The following TMTC2 variants were observed in gnomAD, a reference collection of about 807,000 sequenced individuals.
TMTC2 encodes the protein transmembrane O-mannosyltransferase targeting cadherins 2.
In TMTC2, 43 loss-of-function variants were observed where a neutral mutation model predicts 82.4. That is an observed-to-expected ratio of 0.52 (90% confidence interval 0.41 to 0.67). The LOEUF (loss-of-function observed/expected upper bound fraction) is 0.67, where lower values mean the gene tolerates loss of function less well. Among genes scored for constraint, TMTC2 ranks in the 30% least tolerant of loss-of-function variants. The pLI is 0.00. For missense variants in TMTC2, 919 were observed against 1,012.4 expected (o/e 0.91, Z 1.25); for synonymous variants, 408 against 381.9 (o/e 1.07, Z -0.80).
At chr12:82,868,322 C>A (rs1409873690) in intron 2 of TMTC2, among the ~76,000 whole-genome samples, 1 of 152,158 alleles carries the variant, frequency 6.6e-6, no homozygotes, top group African/African-American at 2.4e-5. Context: ...GAATGGAATG[C>A]TTGCTATCCT....
chr12:83,099,385 C>T (rs1884138266), intron 11 of TMTC2, among the ~76,000 whole-genome samples: 1 of 152,090 alleles, frequency 6.6e-6, no homozygotes, highest in African/African-American at 2.4e-5. Context: ...TTACTGCGCA[C>T]AACATCTTCT....
intron 4 of TMTC2, among the ~76,000 whole-genome samples, chr12:82,951,774 C>G (rs1038129348): frequency 1.3e-5 from 2 of 152,066 alleles, no homozygotes; most frequent in African/African-American, 4.8e-5. Context: ...TCTAATAACT[C>G]GAAAGTACGT....
chr12:83,104,047 G>T (rs958900026), intron 11 of TMTC2, among the ~76,000 whole-genome samples: 6 of 152,232 alleles, frequency 3.9e-5, no homozygotes, highest in African/African-American at 1.4e-4. Flanking sequence ...AAATCTTAAT[G>T]CTCCAAAATA....
rs568120805 is a variant in TMTC2 at position 83,109,960 on chromosome 12, A to C, written c.2332-22250A>C. 4.6e-5 allele frequency among the ~76,000 whole-genome samples: 7 copies of C among 152,310 alleles called. No individual in the cohort carries two copies. The South Asian group carries it at 1.5e-3, about 32-fold the overall frequency. ...CAAAGATGGGTGACAATTGTACTGT[A>C]GTTTTCTAAACCATTGTACCTCAAC... is the stretch of plus-strand genomic sequence containing the variant. On this transcript the variant is annotated intron_variant, in intron 11 of 11. Transcript: ENST00000321196.
At chr12:83,026,696 G>A (rs867294458) in intron 8 of TMTC2, among the ~76,000 whole-genome samples, 2 of 142,472 alleles carry the variant, frequency 1.4e-5, no homozygotes, top group African/African-American at 5.3e-5. Flanking sequence ...TTTTAGAAAT[G>A]ATTGAAGGAG....
intron 11 of TMTC2, among the ~76,000 whole-genome samples, chr12:83,063,800 A>G (rs1882823729): frequency 6.6e-6 from 1 of 151,932 alleles, no homozygotes; most frequent in Non-Finnish European, 1.5e-5. Context: ...AGGAGCTACA[A>G]TCTAGTCTGA....
intron 11 of TMTC2, among the ~76,000 whole-genome samples, chr12:83,066,103 G>C (rs1882907384): frequency 6.6e-6 from 1 of 151,918 alleles, no homozygotes; most frequent in South Asian, 2.1e-4. Context: ...ATCTAATGTG[G>C]GGAGGGAGTA....
chr12:82,790,079 G>C (rs1000187409), intron 1 of TMTC2, among the ~76,000 whole-genome samples: 5 of 151,456 alleles, frequency 3.3e-5, no homozygotes, highest in Non-Finnish European at 5.9e-5. Flanking sequence ...ATGTATGCCT[G>C]TGGTCTCAGC....
intron 8 of TMTC2, among the ~76,000 whole-genome samples, chr12:83,022,369 CT>C (rs1565857337): frequency 1.8e-5 from 2 of 112,432 alleles, no homozygotes; most frequent in Non-Finnish European, 3.5e-5. Context: ...ACCCTCCCCC[CT>C]CCCCCCGCCC....
At chr12:83,003,375 C>T (rs1036998778) in intron 8 of TMTC2, among the ~76,000 whole-genome samples, 2 of 150,264 alleles carry the variant, frequency 1.3e-5, no homozygotes, top group African/African-American at 5.0e-5. Context: ...TGTAACTTGC[C>T]TTTCTATGCC....
At chr12:82,733,005 CTAATA>C (rs765352745) in intron 1 of TMTC2, among the ~76,000 whole-genome samples, 27 of 152,164 alleles carry the variant, frequency 1.8e-4, no homozygotes, top group Admixed American at 7.2e-4. Context: ...TAGGCATTGA[CTAATA>C]TATAAGACAT....
intron 8 of TMTC2, among the ~76,000 whole-genome samples, chr12:82,991,341 A>G (rs913968587): frequency 5.3e-5 from 8 of 152,266 alleles, no homozygotes; most frequent in Non-Finnish European, 7.4e-5. Context: ...TAGTTACTCA[A>G]TAACTACTTA....
intron 1 of TMTC2, among the ~76,000 whole-genome samples, chr12:82,834,425 G>T (rs1374723867): frequency 1.3e-5 from 2 of 152,144 alleles, no homozygotes; most frequent in Non-Finnish European, 2.9e-5. Flanking sequence ...GCTAAGTTCC[G>T]ACTTGGCAGC....
At chr12:82,920,780 T>G (rs1374768002) in intron 3 of TMTC2, among the ~76,000 whole-genome samples, 1 of 152,222 alleles carries the variant, frequency 6.6e-6, no homozygotes, top group Admixed American at 6.5e-5. Flanking sequence ...GTCTTAGGAT[T>G]GAAGTTGCTT....
chr12:83,011,146 A>C (rs1312830165), intron 8 of TMTC2, among the ~76,000 whole-genome samples: 2 of 152,188 alleles, frequency 1.3e-5, no homozygotes, highest in Non-Finnish European at 2.9e-5. Flanking sequence ...GACGATGTCT[A>C]ATATTTCAAA....
At chr12:82,993,962 T>C (rs1215854288) in intron 8 of TMTC2, among the ~76,000 whole-genome samples, 1 of 147,220 alleles carries the variant, frequency 6.8e-6, no homozygotes, top group East Asian at 1.9e-4. Flanking sequence ...GCTGAATGCT[T>C]GCAGACAGGA....
intron 1 of TMTC2, among the ~76,000 whole-genome samples, chr12:82,855,801 T>C (rs1488955011): frequency 6.6e-6 from 1 of 152,246 alleles, no homozygotes; most frequent in Non-Finnish European, 1.5e-5. Context: ...TTTCAACAGC[T>C]TTATTCTGAG....
At chr12:82,963,670 A>G (rs1321794389) in intron 4 of TMTC2, among the ~76,000 whole-genome samples, 2 of 149,900 alleles carry the variant, frequency 1.3e-5, no homozygotes, top group Non-Finnish European at 3.0e-5. Context: ...AAAACTGACC[A>G]TTTCCACAAA....
chr12:82,848,289 C>T (rs910568785), intron 1 of TMTC2, among the ~76,000 whole-genome samples: 1 of 152,142 alleles, frequency 6.6e-6, no homozygotes, highest in Non-Finnish European at 1.5e-5. Context: ...AAAATATTGA[C>T]TGTTGGCCTG....
Sources: gnomAD v4.1 joint callset for allele counts (sites outside exome capture counted in the v4.1 genomes callset) on GRCh38, gnomAD v4.1.1 for gene constraint, MANE v1.5 for transcripts, NCBI Gene and HGNC (gene_info 2026-07-23, HGNC 2026-07-21) for gene names.